The following ZFHX4 variants were observed in gnomAD, a reference collection of about 807,000 sequenced individuals.
The protein encoded by ZFHX4 is zinc finger homeobox 4, also known as zinc finger homeobox protein 4.
In ZFHX4, 56 loss-of-function variants were observed where a neutral mutation model predicts 267.6. The observed-to-expected ratio is 0.21, with a 90% CI of 0.17 to 0.26. The LOEUF (loss-of-function observed/expected upper bound fraction) is 0.26. Ranked by LOEUF, ZFHX4 falls within the 10% of genes least tolerant of loss-of-function variation. The pLI, the probability that ZFHX4 is intolerant of heterozygous loss-of-function variation, is 1.00. For synonymous variants in ZFHX4, 1,778 were observed against 1,665.6 expected (o/e 1.07, Z -1.64); for missense variants, 4,332 against 4,420.0 (o/e 0.98, Z 0.56).
intron 4 of ZFHX4, among the ~76,000 whole-genome samples, chr8:76,817,526 T>C (rs767597863): frequency 6.6e-6 from 1 of 152,218 alleles, no homozygotes; most frequent in Non-Finnish European, 1.5e-5. Flanking sequence ...TATACTCTTA[T>C]TTCATCCTCC....
At chr8:76,860,865 G>A (rs565122768) in intron 10 of ZFHX4, among the ~76,000 whole-genome samples, 24 of 152,134 alleles carry the variant, frequency 1.6e-4, no homozygotes, top group Middle Eastern at 6.8e-3. Flanking sequence ...AACCTTTTTC[G>A]TACTACTTTA....
intron 3 of ZFHX4, among the ~76,000 whole-genome samples, chr8:76,768,424 A>G (rs542911447): frequency 1.3e-5 from 2 of 152,298 alleles, no homozygotes; most frequent in East Asian, 3.9e-4. Flanking sequence ...CAAGCTGGCC[A>G]TTGAGGAGAT....
intron 5 of ZFHX4, chr8:76,834,055 G>T: frequency 2.6e-6 from 1 of 382,526 alleles, no homozygotes; most frequent in South Asian, 2.0e-5. Flanking sequence ...TCTTTACATG[G>T]CTTGATAGTT....
At chr8:76,696,241 G>T (rs184257039) in intron 1 of ZFHX4, among the ~76,000 whole-genome samples, 18 of 152,190 alleles carry the variant, frequency 1.2e-4, no homozygotes, top group Admixed American at 1.2e-3. Context: ...CATTTTAATA[G>T]AAACTGTAGA....
At chr8:76,755,944 C>T (rs1234126660) in intron 3 of ZFHX4, among the ~76,000 whole-genome samples, 1 of 152,188 alleles carries the variant, frequency 6.6e-6, no homozygotes, top group Non-Finnish European at 1.5e-5. Context: ...ACAGCCCTCA[C>T]AACCCAGCCA....
intron 4 of ZFHX4, among the ~76,000 whole-genome samples, chr8:76,823,263 T>TGCA (rs1811702367): frequency 6.6e-6 from 1 of 152,094 alleles, no homozygotes. Flanking sequence ...AAGGAACTCT[T>TGCA]TGCCAATACA....
rs1812928457 is a variant in ZFHX4 at position 76,863,388 on chromosome 8, C to A, written c.9674C>A (p.Ala3225Asp). 6.2e-7 allele frequency: 1 copy of A among 1,613,864 alleles called. No homozygotes were observed. The highest frequency in any genetic ancestry group is 1.3e-5 in the African/African-American group (1 of 74,930). The change falls in exon 11 of 11, where the codon GCT becomes GAT. Residue 3225 changes from alanine (A) to aspartate (D), a missense_variant. Physicochemically the swap from Ala to Asp is moderately radical, Grantham distance 126. This residue lies in a region of ZFHX4 where 1,648 missense variants were observed against 1,625.0 expected (regional missense o/e 1.01). Coordinates refer to ENST00000651372, the MANE Select transcript of ZFHX4 (RefSeq NM_024721.5). ...AAAAAAGAGGAAAAAATCTCATCTG[C>A]TCTTTCAGTGTTGGGCAAAGTTGTA... The part of the protein sequence containing the change: ...HPKKEEKISS[A>D]LSVLGKVVGE...
chr8:76,813,163 G>A (rs1811420616), intron 4 of ZFHX4, among the ~76,000 whole-genome samples: 2 of 151,954 alleles, frequency 1.3e-5, no homozygotes, highest in Admixed American at 1.3e-4. Context: ...TCTTGACTTT[G>A]GGATTTATTG....
intron 4 of ZFHX4, among the ~76,000 whole-genome samples, chr8:76,825,831 T>C (rs769448793): frequency 1.3e-5 from 2 of 152,204 alleles, no homozygotes; most frequent in Non-Finnish European, 2.9e-5. Context: ...TTAAAAACAG[T>C]GCAGCCTTAG....
chr8:76,833,327 G>A lies in ZFHX4; in HGVS notation c.3326-11G>A. 1.9e-6 allele frequency: 3 copies of A among 1,608,760 alleles called. No homozygotes were observed. The highest frequency in any genetic ancestry group is 2.5e-6 in the Non-Finnish European group (3 of 1,177,126). ...CATGCTGATTACCTTTCACTCTGAT[G>A]TCTTCTGCAGAAACTGCCTCATTGG... On this transcript the variant is annotated splice_polypyrimidine_tract_variant and intron_variant, in intron 4 of 10. Coordinates refer to ENST00000651372, the MANE Select transcript of ZFHX4 (RefSeq NM_024721.5).
At position 76,863,463 on chromosome 8, in the gene ZFHX4, T is replaced by C. The variant is rs1812932445; in HGVS notation, c.9749T>C (p.Ile3250Thr). 6.2e-7 allele frequency: 1 copy of C among 1,613,664 alleles called. No individual in the cohort carries two copies. The highest frequency in any genetic ancestry group is 1.1e-5 in the South Asian group (1 of 90,992). Residue 3250 changes from isoleucine to threonine, a missense_variant, in exon 11 of 11, where the codon ATT (isoleucine) becomes ACT (threonine). This residue lies in a region of ZFHX4 where 1,648 missense variants were observed against 1,625.0 expected (regional missense o/e 1.01). Coordinates refer to ENST00000651372, the MANE Select transcript of ZFHX4 (RefSeq NM_024721.5). ...CAGTTGCAGGCATTACAGAATGCAA[T>C]TGCTGGTGACCCAGCTTCCTTTATA... Reference protein sequence around the residue: ...PIQLQALQNAIAGDPASFIGG... With the variant: ...PIQLQALQNATAGDPASFIGG...
intron 4 of ZFHX4, among the ~76,000 whole-genome samples, chr8:76,806,746 T>A (rs551951627): frequency 6.6e-6 from 1 of 152,254 alleles, no homozygotes; most frequent in African/African-American, 2.4e-5. Context: ...TTAAAGAGAA[T>A]TTAGGTACTG....
In ZFHX4 at chr8:76,705,735, T is replaced by C; in HGVS notation, c.1647T>C (p.Ala549=). 1.2e-6 allele frequency: 2 copies of C among 1,614,018 alleles called. No homozygotes were observed. Among genetic ancestry groups the C allele is most frequent in the East Asian group, 2.2e-5 (1 of 44,882 alleles). ...TAAVRASGSV[A]SNYGISGKDF... ...CTGTTAGGGCCAGTGGCAGTGTTGC[T>C]AGTAACTATGGCATCAGTGGCAAGG... Residue 549 remains alanine (A), a synonymous_variant, in exon 2 of 11, where the codon GCT becomes GCC. Transcript: ENST00000651372.
At chr8:76,737,862 G>A (rs544664246) in intron 3 of ZFHX4, among the ~76,000 whole-genome samples, 78 of 152,232 alleles carry the variant, frequency 5.1e-4, no homozygotes, top group African/African-American at 1.7e-3. Context: ...TAGCAGTAGT[G>A]TTAGCCAATC....
At chr8:76,754,661 T>C (rs1809717174) in intron 3 of ZFHX4, among the ~76,000 whole-genome samples, 2 of 152,200 alleles carry the variant, frequency 1.3e-5, no homozygotes. Context: ...GTAATTAGGA[T>C]ATTTATTACC....
At position 76,707,911 on chromosome 8, in the gene ZFHX4, T is replaced by C; in HGVS notation, c.2956T>C (p.Trp986Arg). 6.2e-7 allele frequency: 1 copy of C among 1,613,924 alleles called. No individual in the cohort carries two copies. Among genetic ancestry groups the C allele is most frequent in the Non-Finnish European group, 8.5e-7 (1 of 1,179,912 alleles). The stretch of plus-strand genomic sequence containing the variant: ...TAAAGAAGGGGGCAAAAGCAATGAG[T>C]GGAGGTTGAAGTGTATTGCCATTGG... ...HIKEGGKSNEWRLKCIAIGNP... is the reference protein window; with the variant it reads ...HIKEGGKSNERRLKCIAIGNP... The change falls in exon 3 of 11, where the codon TGG becomes CGG. Residue 986 changes from tryptophan to arginine, a missense_variant. By Grantham distance (101) the Trp-to-Arg change is moderately radical (BLOSUM62 -3). Transcript: ENST00000651372.
chr8:76,729,325 T>A (rs1183451235), intron 3 of ZFHX4, among the ~76,000 whole-genome samples: 1 of 152,150 alleles, frequency 6.6e-6, no homozygotes, highest in South Asian at 2.1e-4. Context: ...AGTAAATTGA[T>A]GGGATTAAGG....
At chr8:76,795,800 A>G (rs1322923619) in intron 4 of ZFHX4, among the ~76,000 whole-genome samples, 1 of 152,124 alleles carries the variant, frequency 6.6e-6, no homozygotes, top group Non-Finnish European at 1.5e-5. Context: ...AAGTCTTTAC[A>G]TGAAGTACTA....
At chr8:76,735,178 C>T (rs1809126277) in intron 3 of ZFHX4, among the ~76,000 whole-genome samples, 1 of 152,084 alleles carries the variant, frequency 6.6e-6, no homozygotes, top group African/African-American at 2.4e-5. Context: ...TTCCATTATG[C>T]TGTTCTTATT....
Sources: allele counts gnomAD v4.1 joint callset (sites outside exome capture counted in the v4.1 genomes callset), GRCh38; gene constraint gnomAD v4.1.1; regional missense constraint gnomAD v4.1.1; transcripts MANE v1.5; gene names NCBI Gene and HGNC (gene_info 2026-07-23, HGNC 2026-07-21).